Variants in PCDHGA6 observed in about 807,000 individuals in gnomAD.
The protein encoded by PCDHGA6 is protocadherin gamma-A6.
In PCDHGA6, 41 loss-of-function variants were observed where a neutral mutation model predicts 60.6. The ratio of observed to expected loss-of-function variants is 0.68; its 90% CI spans 0.53 to 0.88. The LOEUF (loss-of-function observed/expected upper bound fraction) is 0.88, where lower values mean the gene tolerates loss of function less well. Ranked by LOEUF, PCDHGA6 falls within the 40% of genes least tolerant of loss-of-function variation. The pLI is 0.00. For synonymous variants in PCDHGA6, 594 were observed against 524.4 expected (o/e 1.13, Z -1.81); for missense variants, 1,312 against 1,203.0 (o/e 1.09, Z -1.34).
chr5:141,468,983 AATT>A (rs958294955), intron 1 of PCDHGA6, among the ~76,000 whole-genome samples: 5 of 148,376 alleles, frequency 3.4e-5, no homozygotes, highest in Admixed American at 6.8e-5. Context: ...TGACTTCCAA[AATT>A]ATTGTTTTTG....
chr5:141,418,891 C>G (rs774546487), intron 1 of PCDHGA6: 4 of 1,613,842 alleles, frequency 2.5e-6, no homozygotes, highest in East Asian at 2.2e-5. Context: ...ACGACAACAG[C>G]CCAGAAATAA....
chr5:141,486,138 C>T lies in PCDHGA6; in HGVS notation c.2425-8669C>T. On this transcript the variant is annotated intron_variant, in intron 1 of 3. Transcript: ENST00000517434. This position sits in a 1 kb window ranked among gnomAD's most constrained non-coding sequence, Gnocchi z 5.0. ...AATTACTATGAATTTGATGTGCGGG[C>T]TCGCGATGGGGGTTCTCCAGCCATG... The T allele has an allele frequency of 6.2e-7, 1 of 1,614,212 alleles. No individual in the cohort carries two copies. The highest frequency in any genetic ancestry group is 1.3e-5 in the African/African-American group (1 of 75,052).
At chr5:141,503,363 G>A (rs2099819478) in intron 2 of PCDHGA6, among the ~76,000 whole-genome samples, 2 of 152,132 alleles carry the variant, frequency 1.3e-5, no homozygotes, top group East Asian at 1.9e-4. Context: ...TTGGGAAGCG[G>A]AGGCAGGTGG....
At position 141,505,413 on chromosome 5, in the gene PCDHGA6, C is replaced by A; in HGVS notation, c.2504C>A (p.Thr835Asn). ...CCCAGCTCCCAAAATGGCGATGACACCGGCACCTGGCCCAACAACCAGTTT... is the reference window on the plus strand; with the variant it reads ...CCCAGCTCCCAAAATGGCGATGACAACGGCACCTGGCCCAACAACCAGTTT... ...GTSGSQNGDD[T>N]GTWPNNQFDT... Residue 835 changes from threonine to asparagine, a missense_variant, in exon 3 of 4, where the codon ACC becomes AAC. Physicochemically the swap from Thr to Asn is moderately conservative, Grantham distance 65 (BLOSUM62 0). Coordinates refer to ENST00000517434, the MANE Select transcript of PCDHGA6 (RefSeq NM_018919.3). 1 of 1,614,202 alleles carries A rather than the reference C, an allele frequency of 6.2e-7. No homozygotes were observed. Among genetic ancestry groups the A allele is most frequent in the Non-Finnish European group, 8.5e-7 (1 of 1,180,046 alleles).
intron 1 of PCDHGA6, among the ~76,000 whole-genome samples, chr5:141,425,915 C>G (rs537499239): frequency 1.3e-5 from 2 of 152,336 alleles, no homozygotes; most frequent in East Asian, 3.9e-4. Context: ...AAAACAGTCA[C>G]TACGAAAACT....
chr5:141,419,470 G>A (rs2096387963), intron 1 of PCDHGA6: 1 of 1,612,362 alleles, frequency 6.2e-7, no homozygotes, highest in African/African-American at 1.3e-5. Context: ...CCCGCGACCA[G>A]GGCTCGCCCG....
In PCDHGA6 at chr5:141,382,029, A is replaced by C. The variant is rs574099831; in HGVS notation, c.2424+5522A>C. 4.6e-4 allele frequency among the ~76,000 whole-genome samples: 70 copies of C among 151,618 alleles called. 2 individuals carry two copies. The South Asian group carries it at 0.013, about 28-fold the overall frequency. On this transcript the variant is annotated intron_variant, in intron 1 of 3. Coordinates refer to ENST00000517434, the MANE Select transcript of PCDHGA6 (RefSeq NM_018919.3). Reference sequence around the variant, plus strand: ...TTTTTAGTAGAGACGGGGTTTCTCCATGTTGGTCAGGCTGGTCTCAAGCTC... The same window carrying C: ...TTTTTAGTAGAGACGGGGTTTCTCCCTGTTGGTCAGGCTGGTCTCAAGCTC...
intron 2 of PCDHGA6, among the ~76,000 whole-genome samples, chr5:141,501,983 C>G (rs957901405): frequency 6.6e-6 from 1 of 152,068 alleles, no homozygotes; most frequent in Non-Finnish European, 1.5e-5. Flanking sequence ...CATCTGGTCC[C>G]GTTGTCTCCC....
chr5:141,409,948 A>G, intron 1 of PCDHGA6: 1 of 1,613,348 alleles, frequency 6.2e-7, no homozygotes, highest in South Asian at 1.1e-5. Context: ...CTCGCTCTGC[A>G]GAGCCCGGCT....
intron 1 of PCDHGA6, among the ~76,000 whole-genome samples, chr5:141,444,735 C>G (rs924159168): frequency 6.6e-6 from 1 of 152,116 alleles, no homozygotes; most frequent in Admixed American, 6.5e-5. Flanking sequence ...TGTTGAAAGT[C>G]ATTTCACTGA....
At chr5:141,413,664 T>G in intron 1 of PCDHGA6, 1 of 1,613,858 alleles carries the variant, frequency 6.2e-7, no homozygotes, top group Non-Finnish European at 8.5e-7. Flanking sequence ...AAGCTATTGA[T>G]CCGGATGTGG....
At chr5:141,483,425 G>A (rs1460083757) in intron 1 of PCDHGA6, among the ~76,000 whole-genome samples, 1 of 152,116 alleles carries the variant, frequency 6.6e-6, no homozygotes, top group Non-Finnish European at 1.5e-5. Flanking sequence ...ACAGATGGAG[G>A]GAGCTGACTA....
chr5:141,460,792 A>T (rs1028557260), intron 1 of PCDHGA6, among the ~76,000 whole-genome samples: 30 of 152,012 alleles, frequency 2.0e-4, no homozygotes, highest in Non-Finnish European at 2.9e-5. Context: ...ATATACACAC[A>T]AAGTATATAT....
chr5:141,505,249 G>T, intron 2 of PCDHGA6, 144 bp from the exon 3 acceptor site: 1 of 1,447,748 alleles, frequency 6.9e-7, no homozygotes, highest in Non-Finnish European at 9.2e-7. Flanking sequence ...GATTGTAGAA[G>T]TGCCTCCTAC....
At position 141,410,301 on chromosome 5, in the gene PCDHGA6, C is replaced by A. The variant is rs1294760427; in HGVS notation, c.2424+33794C>A. ...CTGGTGGTGGCCTTGGCCTTAATCT[C>A]AGTGCTCTTCCTCCTCGCCGTGATT... On this transcript the variant is annotated intron_variant, in intron 1 of 3. Transcript: ENST00000517434. 2.5e-6 allele frequency: 4 copies of A among 1,614,030 alleles called. No individual in the cohort carries two copies. In the Admixed American group the frequency reaches 6.7e-5, roughly 27 times the overall value.
chr5:141,443,849 T>A (rs1233479391), intron 1 of PCDHGA6, among the ~76,000 whole-genome samples: 2 of 152,136 alleles, frequency 1.3e-5, no homozygotes, highest in Admixed American at 1.3e-4. Flanking sequence ...ATATGGAAAG[T>A]CTGAAAACTG....
intron 1 of PCDHGA6, chr5:141,421,621 C>T (rs2154549322): frequency 6.2e-7 from 1 of 1,613,772 alleles, no homozygotes; most frequent in Non-Finnish European, 8.5e-7. Flanking sequence ...TGATAACGCC[C>T]CCAGCTTCCA....
intron 1 of PCDHGA6, chr5:141,382,999 T>C (rs1208869928): frequency 6.2e-7 from 1 of 1,613,770 alleles, no homozygotes; most frequent in Non-Finnish European, 8.5e-7. Context: ...TATTCTCTAC[T>C]CCGTGTCGGA....
At chr5:141,410,487 A>G in intron 1 of PCDHGA6, 1 of 1,613,970 alleles carries the variant, frequency 6.2e-7, no homozygotes, top group Non-Finnish European at 8.5e-7. Context: ...ACGGGTACAA[A>G]AGAGTTTAAT....
Sources: gnomAD v4.1 joint callset for allele counts (sites outside exome capture counted in the v4.1 genomes callset) on GRCh38, gnomAD v4.1.1 for gene constraint, Gnocchi (gnomAD v3.1) non-coding constraint, MANE v1.5 for transcripts, NCBI Gene and HGNC (gene_info 2026-07-23, HGNC 2026-07-21) for gene names.